Variants in VRK2 observed in about 807,000 individuals in gnomAD.
The protein encoded by VRK2 is serine/threonine-protein kinase VRK2.
A neutral mutation model predicts 57.6 loss-of-function variants in VRK2; 60 were observed. That is an observed-to-expected ratio of 1.04 (90% confidence interval 0.85 to 1.29). The LOEUF (loss-of-function observed/expected upper bound fraction) is 1.29. VRK2 is among the 50% of genes most tolerant of loss of function. VRK2 has a pLI of 0.00. For synonymous variants in VRK2, 231 were observed against 199.2 expected, an observed-to-expected ratio of 1.16 and a Z score of -1.35; for missense variants, 705 against 588.1, an observed-to-expected ratio of 1.20 and a Z score of -2.06.
intron 1 of VRK2, among the ~76,000 whole-genome samples, chr2:57,984,239 G>C (rs1672523086): frequency 6.6e-6 from 1 of 151,828 alleles, no homozygotes; most frequent in African/African-American, 2.4e-5. Flanking sequence ...TTTTTTTAAA[G>C]TGACAATCAA....
chr2:57,933,868 G>A (rs1376387539), intron 1 of VRK2, among the ~76,000 whole-genome samples: 1 of 151,938 alleles, frequency 6.6e-6, no homozygotes, highest in Admixed American at 6.6e-5. Flanking sequence ...GCAATCCTTG[G>A]ATTCTCTTTG....
At chr2:58,059,396 A>G (rs1236323386) in intron 2 of VRK2, among the ~76,000 whole-genome samples, 1 of 151,994 alleles carries the variant, frequency 6.6e-6, no homozygotes, top group Non-Finnish European at 1.5e-5. Flanking sequence ...AATCTCTGTG[A>G]TATGATTTTA....
chr2:58,058,231 G>C, intron 2 of VRK2: 1 of 399,516 alleles, frequency 2.5e-6, no homozygotes, highest in South Asian at 1.9e-5. Flanking sequence ...TTAATCAGCT[G>C]GAATTACTTT....
At chr2:58,158,571 TTCTTC>T (rs758667784) in intron 12 of VRK2, among the ~76,000 whole-genome samples, 26 of 152,208 alleles carry the variant, frequency 1.7e-4, no homozygotes, top group South Asian at 2.1e-4. Context: ...TTTTATAAAT[TTCTTC>T]TCTTCTAAGT....
At chr2:58,062,584 G>C (rs982083496) in intron 2 of VRK2, among the ~76,000 whole-genome samples, 3 of 152,050 alleles carry the variant, frequency 2.0e-5, no homozygotes, top group African/African-American at 7.2e-5. Flanking sequence ...CCTTACTGCT[G>C]ATAAGGAGAA....
chr2:58,152,173 G>A lies in VRK2; in HGVS notation c.1182+5699G>A, dbSNP rs532596512. 2.6e-5 allele frequency among the ~76,000 whole-genome samples: 4 copies of A among 151,934 alleles called. 1 individual carries two copies. Among genetic ancestry groups the A allele is most frequent in the African/African-American group, 9.6e-5 (4 of 41,516 alleles). On this transcript the variant is annotated intron_variant, in intron 12 of 12. Coordinates refer to ENST00000340157, the MANE Select transcript of VRK2 (RefSeq NM_006296.7). ...GGTATAATCAGAATAATATTACTGA[G>A]ATACTTACATCTTTTTCTAAAGTCT...
Position 57,963,820 on chromosome 2 carries a change from CA to C in VRK2, c.-439+55982del, listed in dbSNP as rs531601480. The stretch of plus-strand genomic sequence containing the variant: ...ATACAAGATTTGTTGACTGATGTTG[CA>C]TATTTACATTACAGTTATTGCAATG... On this transcript the variant is annotated intron_variant, in intron 1 of 15. Coordinates refer to the VRK2 transcript ENST00000417641. Among the ~76,000 whole-genome samples the C allele has an allele frequency of 1.2e-4, 18 of 152,238 alleles. 1 individual carries two copies. In the South Asian group the frequency reaches 3.7e-3, roughly 32 times the overall value.
chr2:58,097,850 A>G (rs938691605), intron 7 of VRK2, among the ~76,000 whole-genome samples: 4 of 152,104 alleles, frequency 2.6e-5, no homozygotes, highest in Non-Finnish European at 4.4e-5. Context: ...TTATATGTTT[A>G]TTTATTATAC....
At chr2:57,965,053 T>C (rs547560728) in intron 1 of VRK2, among the ~76,000 whole-genome samples, 13 of 152,326 alleles carry the variant, frequency 8.5e-5, no homozygotes, top group Non-Finnish European at 1.8e-4. Context: ...GGATCATTTA[T>C]ATGTGATTGT....
chr2:58,056,109 G>C (rs1303136770), intron 2 of VRK2, among the ~76,000 whole-genome samples: 1 of 151,884 alleles, frequency 6.6e-6, no homozygotes, highest in African/African-American at 2.4e-5. Flanking sequence ...CTAAAAGAGG[G>C]CACGCTTCCT....
chr2:57,939,625 T>C (rs2717032), intron 1 of VRK2, among the ~76,000 whole-genome samples: 98,921 of 151,610 alleles, frequency 0.65, 32,628 homozygotes, highest in African/African-American at 0.77. Context: ...TTTACCCATC[T>C]ATACAAAATG....
intron 1 of VRK2, among the ~76,000 whole-genome samples, chr2:58,019,265 T>C (rs1217667558): frequency 6.6e-6 from 1 of 152,228 alleles, no homozygotes; most frequent in Non-Finnish European, 1.5e-5. Flanking sequence ...TACAAGTAAC[T>C]ATTAATACTT....
chr2:58,043,109 T>G (rs998857155), upstream of VRK2, among the ~76,000 whole-genome samples: 13 of 152,204 alleles, frequency 8.5e-5, no homozygotes, highest in African/African-American at 2.7e-4. Flanking sequence ...TTGGCACTTA[T>G]GAAACTTGAA....
intron 2 of VRK2, among the ~76,000 whole-genome samples, chr2:58,052,788 C>T (rs1675951471): frequency 6.6e-6 from 1 of 151,994 alleles, no homozygotes; most frequent in South Asian, 2.1e-4. Context: ...ATAAAAGCTC[C>T]CCCTAAAATT....
intron 1 of VRK2, among the ~76,000 whole-genome samples, chr2:57,919,972 A>C (rs1349036957): frequency 6.6e-6 from 1 of 152,144 alleles, no homozygotes; most frequent in Non-Finnish European, 1.5e-5. Flanking sequence ...CAAATTAGAT[A>C]GTAATTAACC....
chr2:58,060,908 T>C (rs1257454454), intron 2 of VRK2, among the ~76,000 whole-genome samples: 1 of 151,894 alleles, frequency 6.6e-6, no homozygotes, highest in Non-Finnish European at 1.5e-5. Flanking sequence ...AAATTGAATG[T>C]CTCTTAGGAG....
At chr2:58,012,777 C>T (rs1187299990) in intron 1 of VRK2, among the ~76,000 whole-genome samples, 1 of 152,134 alleles carries the variant, frequency 6.6e-6, no homozygotes, top group East Asian at 1.9e-4. Flanking sequence ...AGGACAAAGA[C>T]CAAATCTATT....
intron 1 of VRK2, among the ~76,000 whole-genome samples, chr2:57,920,427 A>G (rs557563631): frequency 4.1e-4 from 63 of 152,108 alleles, no homozygotes; most frequent in Non-Finnish European, 8.1e-4. Flanking sequence ...ATTTCACAGG[A>G]TATTTTACTC....
intron 2 of VRK2, among the ~76,000 whole-genome samples, chr2:58,063,510 A>G (rs928827502): frequency 6.6e-6 from 1 of 152,028 alleles, no homozygotes; most frequent in Non-Finnish European, 1.5e-5. Flanking sequence ...ATTTGCATGA[A>G]TAATAGAGTT....
Sources: gnomAD v4.1 joint callset for allele counts (sites outside exome capture counted in the v4.1 genomes callset) on GRCh38, gnomAD v4.1.1 for gene constraint, MANE v1.5 for transcripts, NCBI Gene and HGNC (gene_info 2026-07-23, HGNC 2026-07-21) for gene names.